The following CNGB1 variants were observed in gnomAD, a reference collection of about 807,000 sequenced individuals.
CNGB1 encodes cyclic nucleotide gated channel subunit beta 1, also known as cyclic nucleotide-gated channel beta-1.
In CNGB1, 126 loss-of-function variants were observed where a neutral mutation model predicts 151.7. The observed-to-expected ratio is 0.83, with a 90% CI of 0.72 to 0.96. The LOEUF is 0.96. CNGB1 is among the 40% of genes least tolerant of loss of function. The pLI, the probability that CNGB1 is intolerant of heterozygous loss-of-function variation, is 0.00. For missense variants in CNGB1, 1,698 were observed against 1,627.0 expected (o/e 1.04, Z -0.75); for synonymous variants, 623 against 635.1 (o/e 0.98, Z 0.29).
chr16:57,904,258 G>A (rs2149358771), intron 26 of CNGB1, among the ~76,000 whole-genome samples: 1 of 152,264 alleles, frequency 6.6e-6, no homozygotes, highest in South Asian at 2.1e-4. Context: ...AAGCTCCTTG[G>A]GCTGGGCTGA....
At chr16:57,913,396 T>C (rs1333710068) in intron 23 of CNGB1, among the ~76,000 whole-genome samples, 2 of 152,222 alleles carry the variant, frequency 1.3e-5, no homozygotes, top group African/African-American at 2.4e-5. Context: ...CTTATATCCT[T>C]CAAAGGTTTA....
At chr16:57,943,881 T>C (rs1961734099) in intron 14 of CNGB1, among the ~76,000 whole-genome samples, 1 of 152,074 alleles carries the variant, frequency 6.6e-6, no homozygotes, top group African/African-American at 2.4e-5. Context: ...ACTCCCATCA[T>C]TGCAGCATTA....
At chr16:57,926,626 T>C (rs1381870926) in intron 17 of CNGB1, among the ~76,000 whole-genome samples, 1 of 152,186 alleles carries the variant, frequency 6.6e-6, no homozygotes, top group Non-Finnish European at 1.5e-5. Context: ...AAAACCCCAT[T>C]GCTGGGACCC....
In CNGB1 at chr16:57,901,391, G is replaced by C. The variant is rs760775189; in HGVS notation, c.2937C>G (p.Arg979=). ...AGTCGTTGGGCAGGTAGACAACAGA[G>C]CGAAGCCTCTTCAGCATGTCAAAGA... ...QMIFDMLKRL[R]SVVYLPNDYV... Residue 979 remains arginine, a synonymous_variant, in exon 29 of 33, where the codon CGC becomes CGG. Coordinates refer to ENST00000251102, the MANE Select transcript of CNGB1 (RefSeq NM_001297.5). 6.2e-7 allele frequency: 1 copy of C among 1,614,178 alleles called. No homozygotes were observed. Among genetic ancestry groups the C allele is most frequent in the East Asian group, 2.2e-5 (1 of 44,884 alleles).
chr16:57,896,978 G>A (rs1960246468), intron 31 of CNGB1, among the ~76,000 whole-genome samples: 1 of 152,042 alleles, frequency 6.6e-6, no homozygotes, highest in Admixed American at 6.5e-5. Flanking sequence ...TGAGATAATA[G>A]TGTTGTTTCA....
At position 57,897,874 on chromosome 16, in the gene CNGB1, T is replaced by G. The variant is rs1322910300; in HGVS notation, c.3017A>C (p.Gln1006Pro). 2 of 1,614,196 alleles carry G rather than the reference T, an allele frequency of 1.2e-6. No individual in the cohort carries two copies. Among genetic ancestry groups the G allele is most frequent in the Non-Finnish European group, 1.7e-6 (2 of 1,180,026 alleles). ...ATCAGGGCCGCCCAAGACCTGCACT[T>G]GCCCTGCCTGGATGATGTACATCTC... The part of the protein sequence containing the change: ...GREMYIIQAG[Q>P]VQVLGGPDGK... The change falls in exon 30 of 33, where the codon CAA becomes CCA. Residue 1006 changes from glutamine to proline, a missense_variant. Transcript: ENST00000251102.
chr16:57,903,423 T>C (rs1596961609), intron 27 of CNGB1, among the ~76,000 whole-genome samples: 1 of 151,744 alleles, frequency 6.6e-6, no homozygotes, highest in East Asian at 1.9e-4. Context: ...ACCCGGGAGA[T>C]GGAGGTTGCA....
chr16:57,960,093 A>G, intron 9 of CNGB1, 28 bp from the exon 10 acceptor site: 2 of 1,539,332 alleles, frequency 1.3e-6, no homozygotes, highest in Non-Finnish European at 1.7e-6. Flanking sequence ...CAGGAGCTAG[A>G]GACGCCATCC....
chr16:57,952,341 C>G (rs544119056), intron 12 of CNGB1, among the ~76,000 whole-genome samples: 1 of 152,158 alleles, frequency 6.6e-6, no homozygotes, highest in African/African-American at 2.4e-5. Flanking sequence ...ATGTGCCCCA[C>G]GAGCGCCTCA....
rs777517690 is a variant in CNGB1, at chr16:57,888,072, C to T, written c.3245G>A (p.Arg1082His). Reference sequence around the variant, plus strand: ...GGGCTTATTGTTGCTTCTCAGCATGCGCCTGGAAGAAAGCAGCATCCATTG... The same window carrying T: ...GGGCTTATTGTTGCTTCTCAGCATGTGCCTGGAAGAAAGCAGCATCCATTG... The part of the protein sequence containing the change: ...SQKLLRKKAR[R>H]MLRSNNKPKE... The change falls in exon 32 of 33, where the codon CGC becomes CAC. Residue 1082 changes from arginine to histidine, a missense_variant and splice_region_variant. Coordinates refer to ENST00000251102, the MANE Select transcript of CNGB1 (RefSeq NM_001297.5). 12 of 1,613,502 alleles carry T rather than the reference C, an allele frequency of 7.4e-6. No individual in the cohort carries two copies. The highest frequency in any genetic ancestry group is 6.7e-5 in the Admixed American group (4 of 60,018).
intron 14 of CNGB1, among the ~76,000 whole-genome samples, chr16:57,944,951 T>TAAAAAAAA (rs367717137): frequency 9.6e-6 from 1 of 104,378 alleles, no homozygotes; most frequent in African/African-American, 3.9e-5. Flanking sequence ...ACTCTGTCTT[T>TAAAAAAAA]AAAAAAAAAA....
rs371497836 is a variant in CNGB1 at position 57,949,365 on chromosome 16, T to C, written c.1109A>G (p.Glu370Gly). 34 of 1,611,218 alleles carry C rather than the reference T, an allele frequency of 2.1e-5. No individual in the cohort carries two copies. In the African/African-American group the frequency reaches 4.4e-4, roughly 21 times the overall value. The change falls in exon 14 of 33, where the codon GAG becomes GGG. Residue 370 changes from glutamate to glycine, a missense_variant. Glu to Gly is a moderately conservative substitution (Grantham distance 98). Coordinates refer to ENST00000251102, the MANE Select transcript of CNGB1 (RefSeq NM_001297.5). ...EEEEEEEEEEEEVTEVLLDSC... is the reference protein window; with the variant it reads ...EEEEEEEEEEGEVTEVLLDSC... Reference sequence around the variant, plus strand: ...GCAAATGACTTACTCAGTCACCTCCTCCTCTTCCTCCTCCTCCTCCTCTTC... The same window carrying C: ...GCAAATGACTTACTCAGTCACCTCCCCCTCTTCCTCCTCCTCCTCCTCTTC...
intron 27 of CNGB1, among the ~76,000 whole-genome samples, chr16:57,902,227 C>T (rs1277086849): frequency 1.3e-5 from 2 of 151,796 alleles, no homozygotes; most frequent in Middle Eastern, 3.4e-3. Context: ...CCCACCACCA[C>T]GCGGGCTAAT....
chr16:57,968,392 G>A (rs1962451750), intron 1 of CNGB1, among the ~76,000 whole-genome samples: 1 of 152,160 alleles, frequency 6.6e-6, no homozygotes, highest in African/African-American at 2.4e-5. Flanking sequence ...AGCTACTCAG[G>A]AGGCTGAGGC....
intron 14 of CNGB1, among the ~76,000 whole-genome samples, chr16:57,945,063 C>T (rs143510177): frequency 1.5e-4 from 23 of 151,280 alleles, no homozygotes; most frequent in African/African-American, 5.3e-4. Flanking sequence ...GTAACTGTTA[C>T]TGCTCACATG....
chr16:57,901,171 C>T (rs1408078163), intron 29 of CNGB1, among the ~76,000 whole-genome samples, 181 bp downstream of exon 29: 1 of 152,106 alleles, frequency 6.6e-6, no homozygotes, highest in East Asian at 1.9e-4. Flanking sequence ...GGCAAAGCCT[C>T]CTAATCCGCT....
At chr16:57,904,622 C>T (rs1185084635) in intron 26 of CNGB1, 112 bp downstream of exon 26, 1 of 1,488,282 alleles carries the variant, frequency 6.7e-7, no homozygotes, top group Non-Finnish European at 9.3e-7. Context: ...GTCTAGTGCC[C>T]TTTCCCAGGC....
chr16:57,888,045 T>C lies in CNGB1; in HGVS notation c.3272A>G (p.Lys1091Arg), dbSNP rs1182513443. ...AAGGATCAGCACGCTCTTCTCCTCC[T>C]TGGGCTTATTGTTGCTTCTCAGCAT... is the stretch of plus-strand genomic sequence containing the variant. ...RRMLRSNNKP[K>R]EEKSVLILPP... The change falls in exon 32 of 33, where the codon AAG becomes AGG. Residue 1091 changes from lysine to arginine, a missense_variant. Physicochemically the swap from Lys to Arg is conservative, Grantham distance 26 (BLOSUM62 2). Coordinates refer to ENST00000251102, the MANE Select transcript of CNGB1 (RefSeq NM_001297.5). 8 of 1,614,010 alleles carry C rather than the reference T, an allele frequency of 5.0e-6. No individual in the cohort carries two copies. Among genetic ancestry groups the C allele is most frequent in the Non-Finnish European group, 6.8e-6 (8 of 1,180,040 alleles).
intron 18 of CNGB1, among the ~76,000 whole-genome samples, chr16:57,922,504 C>T (rs1596982040): frequency 6.6e-6 from 1 of 150,776 alleles, no homozygotes; most frequent in African/African-American, 2.5e-5. Flanking sequence ...TCTCAGCTCA[C>T]TGCAACCTCT....
Sources: allele counts gnomAD v4.1 joint callset (sites outside exome capture counted in the v4.1 genomes callset), GRCh38; gene constraint gnomAD v4.1.1; transcripts MANE v1.5; gene names NCBI Gene and HGNC (gene_info 2026-07-23, HGNC 2026-07-21).